NRG1: variants seen among roughly 807,000 people sequenced by gnomAD.
NRG1 encodes pro-neuregulin-1, membrane-bound isoform.
A neutral mutation model predicts 63.8 loss-of-function variants in NRG1; 18 were observed. The observed-to-expected ratio is 0.28, with a 90% CI of 0.19 to 0.42. The LOEUF (loss-of-function observed/expected upper bound fraction) is 0.42, where lower values mean the gene tolerates loss of function less well. Ranked by LOEUF, NRG1 falls within the 10% of genes least tolerant of loss-of-function variation. NRG1 has a pLI of 1.00. For missense variants in NRG1, 762 were observed against 814.7 expected, an observed-to-expected ratio of 0.94 and a Z score of 0.79; for synonymous variants, 302 against 301.3, an observed-to-expected ratio of 1.00 and a Z score of -0.02.
chr8:32,488,298 T>C (rs955993997), intron 1 of NRG1, among the ~76,000 whole-genome samples: 1 of 152,186 alleles, frequency 6.6e-6, no homozygotes, highest in African/African-American at 2.4e-5. Flanking sequence ...TCAAGCTTGT[T>C]TGAGCAAGTA....
intron 1 of NRG1, among the ~76,000 whole-genome samples, chr8:32,021,879 TCTTC>T (rs1310984549): frequency 1.3e-5 from 2 of 152,176 alleles, no homozygotes; most frequent in Non-Finnish European, 2.9e-5. Flanking sequence ...TTCCTTTCCT[TCTTC>T]CTTCTTCTCT....
At chr8:32,531,100 A>G (rs1191700835) in intron 1 of NRG1, among the ~76,000 whole-genome samples, 4 of 136,168 alleles carry the variant, frequency 2.9e-5, no homozygotes, top group African/African-American at 1.0e-4. Flanking sequence ...TCCATCAGAA[A>G]GAAAGAAAGG....
At chr8:31,878,948 C>T (rs933403851) in intron 1 of NRG1, among the ~76,000 whole-genome samples, 6 of 151,838 alleles carry the variant, frequency 4.0e-5, no homozygotes, top group African/African-American at 9.7e-5. Context: ...TGCAGTGAGC[C>T]GAGATCGCGC....
chr8:31,971,963 T>C (rs2129629085), intron 1 of NRG1, among the ~76,000 whole-genome samples: 1 of 152,244 alleles, frequency 6.6e-6, no homozygotes, highest in African/African-American at 2.4e-5. Flanking sequence ...TTCTCTGCAT[T>C]TTCTTCCTGC....
intron 5 of NRG1, among the ~76,000 whole-genome samples, chr8:32,697,840 A>G (rs1349074664): frequency 6.6e-6 from 1 of 152,214 alleles, no homozygotes; most frequent in African/African-American, 2.4e-5. Flanking sequence ...AGACTTATTA[A>G]GAATTAGAAA....
At chr8:32,655,161 A>C (rs1416843868) in intron 5 of NRG1, among the ~76,000 whole-genome samples, 1 of 152,170 alleles carries the variant, frequency 6.6e-6, no homozygotes, top group Non-Finnish European at 1.5e-5. Context: ...TCCCTGCCTC[A>C]CTTTGTTCTT....
intron 1 of NRG1, among the ~76,000 whole-genome samples, chr8:32,420,413 A>T (rs1293405864): frequency 6.6e-6 from 1 of 152,120 alleles, no homozygotes; most frequent in Non-Finnish European, 1.5e-5. Flanking sequence ...CTTGCCCAGA[A>T]TTGCTGAGAG....
rs1158508289 is a variant in NRG1, at chr8:31,796,414, C to CT, written c.37+157019dup. Among the ~76,000 whole-genome samples the CT allele has an allele frequency of 1.1e-3, 47 of 43,338 alleles. 16 individuals carry two copies. Among genetic ancestry groups the CT allele is most frequent in the African/African-American group, 2.2e-3 (25 of 11,188 alleles). 28.4% of individuals were successfully genotyped at this position (43,338 alleles called of 152,430 possible). A position where few individuals can be genotyped will look rare whatever the true frequency, so the allele number is the denominator to read the frequency against. ...ATAACCAAATAAGATGGCGTATAAT[C>CT]TTTTTTTTTTTTTTTTTTTTTTTTT... is the stretch of plus-strand genomic sequence containing the variant. On this transcript the variant is annotated intron_variant, in intron 1 of 10. Transcript: ENST00000519301.
At chr8:32,514,445 CA>C (rs1370551388) in intron 1 of NRG1, among the ~76,000 whole-genome samples, 1 of 152,052 alleles carries the variant, frequency 6.6e-6, no homozygotes, top group Non-Finnish European at 1.5e-5. Context: ...TTTGATACTT[CA>C]ATTTATATGA....
chr8:32,470,394 C>T (rs1416055386), intron 1 of NRG1, among the ~76,000 whole-genome samples: 5 of 151,604 alleles, frequency 3.3e-5, no homozygotes, highest in Admixed American at 2.6e-4. Flanking sequence ...TTAATAGAGA[C>T]GGGGTTTCAC....
At chr8:32,142,961 G>T (rs1585618594) in intron 1 of NRG1, among the ~76,000 whole-genome samples, 1 of 152,146 alleles carries the variant, frequency 6.6e-6, no homozygotes, top group Admixed American at 6.6e-5. Flanking sequence ...TTTAAGAAAG[G>T]TCTTAGTGTG....
intron 1 of NRG1, among the ~76,000 whole-genome samples, chr8:32,108,749 C>T (rs953571870): frequency 3.4e-4 from 51 of 151,706 alleles, no homozygotes; most frequent in Admixed American, 1.2e-3. Context: ...AAGAAGGAGG[C>T]CTGAATTTCA....
chr8:32,278,670 C>G (rs1852369076), intron 1 of NRG1, among the ~76,000 whole-genome samples: 1 of 152,128 alleles, frequency 6.6e-6, no homozygotes, highest in African/African-American at 2.4e-5. Flanking sequence ...ACAGACCACT[C>G]AGATTCCCTC....
intron 1 of NRG1, among the ~76,000 whole-genome samples, chr8:32,555,800 C>T (rs1387484351): frequency 1.3e-5 from 2 of 152,136 alleles, no homozygotes; most frequent in Non-Finnish European, 2.9e-5. Flanking sequence ...GTCACACAGG[C>T]CTTGTTATTT....
At chr8:31,968,755 C>G (rs951703636) in intron 1 of NRG1, among the ~76,000 whole-genome samples, 6 of 152,160 alleles carry the variant, frequency 3.9e-5, no homozygotes, top group African/African-American at 1.4e-4. Flanking sequence ...ATAGCAGCAT[C>G]AAAGTGGGCC....
intron 1 of NRG1, among the ~76,000 whole-genome samples, chr8:31,942,132 G>C (rs327353): frequency 0.9 from 136,866 of 152,240 alleles, 62,322 homozygotes; most frequent in African/African-American, 0.97. Flanking sequence ...TATCTAACAT[G>C]AAACTATATT....
chr8:32,469,278 T>A (rs776694475), intron 1 of NRG1, among the ~76,000 whole-genome samples: 1 of 151,744 alleles, frequency 6.6e-6, no homozygotes, highest in Non-Finnish European at 1.5e-5. Context: ...GCAGAAGGAG[T>A]TGATTCACAA....
chr8:32,536,814 C>T (rs1386817443), intron 1 of NRG1, among the ~76,000 whole-genome samples: 1 of 142,570 alleles, frequency 7.0e-6, no homozygotes, highest in Non-Finnish European at 1.5e-5. Flanking sequence ...GTCCCAGCTA[C>T]TCGGGAGGCT....
intron 5 of NRG1, chr8:32,647,464 C>T: frequency 1.0e-6 from 1 of 985,368 alleles, no homozygotes; most frequent in Non-Finnish European, 1.2e-6. Context: ...TTTGGAGTAG[C>T]ATTTAAAAGA....
Sources: allele counts gnomAD v4.1 joint callset (sites outside exome capture counted in the v4.1 genomes callset), GRCh38; gene constraint gnomAD v4.1.1; transcripts MANE v1.5; gene names NCBI Gene and HGNC (gene_info 2026-07-23, HGNC 2026-07-21).